CEP63: variants seen among roughly 807,000 people sequenced by gnomAD.
The protein encoded by CEP63 is centrosomal protein of 63 kDa.
CEP63 carries 84 observed loss-of-function variants against 89.1 expected under a neutral mutation model. That is an observed-to-expected ratio of 0.94 (90% CI 0.79 to 1.13). CEP63 has a LOEUF of 1.13. Among genes scored for constraint, CEP63 ranks in the 50% most tolerant of loss-of-function variants. CEP63 has a pLI of 0.00. For missense variants in CEP63, 838 were observed against 813.3 expected, an observed-to-expected ratio of 1.03 and a Z score of -0.37; for synonymous variants, 267 against 272.5, an observed-to-expected ratio of 0.98 and a Z score of 0.20.
chr3:134,646,120 GCATGGC>G, the CEP63 span, among the ~76,000 whole-genome samples: 1 of 152,142 alleles, frequency 6.6e-6, no homozygotes, highest in Non-Finnish European at 1.5e-5. Context: ...TCCATGCCCT[GCATGGC>G]CATTTCTGTG....
chr3:134,521,872 T>A (rs1947538295), intron 3 of CEP63, among the ~76,000 whole-genome samples: 1 of 152,182 alleles, frequency 6.6e-6, no homozygotes, highest in Admixed American at 6.5e-5. Flanking sequence ...TTTAGTGTTT[T>A]TTCAGAATCA....
the CEP63 span, among the ~76,000 whole-genome samples, chr3:134,774,438 C>T: frequency 0.041 from 6,160 of 152,090 alleles, 378 homozygotes; most frequent in African/African-American, 0.14. Flanking sequence ...AAGGAGAATC[C>T]TGTAAAATGA....
the CEP63 span, among the ~76,000 whole-genome samples, chr3:134,748,593 C>T: frequency 6.6e-6 from 1 of 152,072 alleles, no homozygotes; most frequent in Admixed American, 6.5e-5. Context: ...TATGAGACCT[C>T]CAGGGGCCCA....
At chr3:134,501,421 A>C (rs1941954494) in intron 2 of CEP63, among the ~76,000 whole-genome samples, 1 of 152,244 alleles carries the variant, frequency 6.6e-6, no homozygotes. Flanking sequence ...TGCTTTGGGC[A>C]GGACGGCCGT....
chr3:134,674,203 G>A, the CEP63 span, among the ~76,000 whole-genome samples: 2 of 152,052 alleles, frequency 1.3e-5, no homozygotes, highest in Admixed American at 6.6e-5. Context: ...ACAAAATATA[G>A]GCAAACCAAA....
chr3:134,578,107 A>G (rs1958255556), downstream of CEP63, among the ~76,000 whole-genome samples: 1 of 152,142 alleles, frequency 6.6e-6, no homozygotes, highest in African/African-American at 2.4e-5. Flanking sequence ...TTATAGTAGA[A>G]TGATTTAAAT....
chr3:134,531,805 A>G (rs550641816), intron 3 of CEP63, 40 bp from the exon 4 acceptor site: 38 of 1,353,758 alleles, frequency 2.8e-5, no homozygotes, highest in Non-Finnish European at 3.9e-5. Context: ...TGTTATTTCA[A>G]TGCTAATAGT....
At chr3:134,641,550 C>A in the CEP63 span, among the ~76,000 whole-genome samples, 2 of 152,126 alleles carry the variant, frequency 1.3e-5, no homozygotes, top group African/African-American at 4.8e-5. Flanking sequence ...ACCCCTAGAG[C>A]CTCTAAAAAA....
the CEP63 span, among the ~76,000 whole-genome samples, chr3:134,631,151 A>G: frequency 3.3e-5 from 5 of 152,220 alleles, no homozygotes; most frequent in Admixed American, 6.5e-5. Flanking sequence ...GAGAAATAAT[A>G]TGATGCAGAA....
chr3:134,730,847 A>C, the CEP63 span, among the ~76,000 whole-genome samples: 1 of 152,106 alleles, frequency 6.6e-6, no homozygotes. Flanking sequence ...TTTAAAACTC[A>C]TTATACCTCA....
chr3:134,652,636 G>A, the CEP63 span, among the ~76,000 whole-genome samples: 3 of 144,586 alleles, frequency 2.1e-5, no homozygotes, highest in East Asian at 4.0e-4. Context: ...ATGTGTGCAG[G>A]TACACACACA....
downstream of CEP63, among the ~76,000 whole-genome samples, chr3:134,589,940 T>C (rs1958566695): frequency 6.6e-6 from 1 of 152,182 alleles, no homozygotes; most frequent in Non-Finnish European, 1.5e-5. Flanking sequence ...AAATCATGTC[T>C]TTTCAGAAAC....
chr3:134,525,256 T>G (rs1209238574), intron 3 of CEP63, among the ~76,000 whole-genome samples: 2 of 152,220 alleles, frequency 1.3e-5, no homozygotes, highest in African/African-American at 4.8e-5. Flanking sequence ...ATTGTGTCTA[T>G]TTGAGTCTCC....
chr3:134,669,554 G>A, the CEP63 span, among the ~76,000 whole-genome samples: 1 of 152,160 alleles, frequency 6.6e-6, no homozygotes, highest in African/African-American at 2.4e-5. Context: ...AATTCTGATT[G>A]ATCAGCTTCC....
chr3:134,619,025 G>T, the CEP63 span: 1 of 754,960 alleles, frequency 1.3e-6, no homozygotes, highest in Non-Finnish European at 2.3e-6. Flanking sequence ...ACTCACTTGG[G>T]TTCCAGAGCA....
chr3:134,541,330 A>G (rs561309631), intron 6 of CEP63, among the ~76,000 whole-genome samples: 2 of 152,186 alleles, frequency 1.3e-5, no homozygotes, highest in South Asian at 4.1e-4. Context: ...AATTTCTTCT[A>G]ATGCTTTATC....
At chr3:134,643,887 C>T in the CEP63 span, among the ~76,000 whole-genome samples, 287 of 148,050 alleles carry the variant, frequency 1.9e-3, 7 homozygotes, top group East Asian at 0.044. Flanking sequence ...AGTGCAGTGG[C>T]GCGATCTCTG....
At chr3:134,712,487 A>G in the CEP63 span, among the ~76,000 whole-genome samples, 1 of 152,158 alleles carries the variant, frequency 6.6e-6, no homozygotes. Flanking sequence ...AACAAATTTC[A>G]TAAAACTCCT....
At chr3:134,710,634 T>A in the CEP63 span, among the ~76,000 whole-genome samples, 4 of 152,116 alleles carry the variant, frequency 2.6e-5, no homozygotes, top group Non-Finnish European at 5.9e-5. Context: ...CTTTTTCAGT[T>A]CATCTTTGTA....
Sources: allele counts gnomAD v4.1 joint callset (sites outside exome capture counted in the v4.1 genomes callset), GRCh38; gene constraint gnomAD v4.1.1; transcripts MANE v1.5; gene names NCBI Gene and HGNC (gene_info 2026-07-23, HGNC 2026-07-21).